PTBP3: variants seen among roughly 807,000 people sequenced by gnomAD.
PTBP3 encodes the protein polypyrimidine tract binding protein 3.
Under a neutral mutation model 58.7 loss-of-function variants are expected in PTBP3, and 20 were observed. The ratio of observed to expected loss-of-function variants is 0.34; its 90% CI spans 0.24 to 0.50. PTBP3 has a LOEUF of 0.50. PTBP3 is among the 20% of genes least tolerant of loss of function. The probability of loss-of-function intolerance (pLI) is 0.98; values close to 1 mark genes in which losing one functional copy is unlikely to be tolerated. For missense variants in PTBP3, 509 were observed against 637.2 expected (o/e 0.80, Z 2.17); for synonymous variants, 185 against 219.8 (o/e 0.84, Z 1.40).
At chr9:112,324,310 A>G (rs909193249) in intron 1 of PTBP3, among the ~76,000 whole-genome samples, 1 of 152,196 alleles carries the variant, frequency 6.6e-6, no homozygotes, top group Non-Finnish European at 1.5e-5. Context: ...TATATGCTAC[A>G]ATGTATACAG....
At position 112,227,631 on chromosome 9, in the gene PTBP3, G is replaced by A; in HGVS notation, c.1148-4C>T. ...TGACCACTTAGATGGTTCATTGCTA[G>A]TGCATGGGAAGAAAATTTTAAAGTT... On this transcript the variant is annotated splice_region_variant and splice_polypyrimidine_tract_variant and intron_variant, in intron 11 of 13. Coordinates refer to ENST00000374257, the MANE Select transcript of PTBP3 (RefSeq NM_001163788.4). The A allele has an allele frequency of 6.2e-7, 1 of 1,612,284 alleles. No homozygotes were observed. Among genetic ancestry groups the A allele is most frequent in the Non-Finnish European group, 8.5e-7 (1 of 1,178,472 alleles).
At chr9:112,297,992 GCTAATAATATTACTTCATCTTTGTAT>G in intron 1 of PTBP3, 76 bp from the exon 2 acceptor site, 6 of 1,183,366 alleles carry the variant, frequency 5.1e-6, no homozygotes, top group Non-Finnish European at 7.4e-6. Flanking sequence ...AGTATTAAAA[GCTAATAATATTACTTCATCTTTGTAT>G]GAAGACATTA....
At chr9:112,295,236 G>C (rs1435629210) in intron 2 of PTBP3, among the ~76,000 whole-genome samples, 2 of 137,996 alleles carry the variant, frequency 1.4e-5, no homozygotes, top group Admixed American at 7.6e-5. Context: ...GCAATACTCA[G>C]TCTCAAAAGA....
chr9:112,311,687 G>A (rs1329697614), intron 1 of PTBP3, among the ~76,000 whole-genome samples: 1 of 152,164 alleles, frequency 6.6e-6, no homozygotes, highest in Non-Finnish European at 1.5e-5. Context: ...AGTGTATCAG[G>A]CCTGTAATCC....
Position 112,297,824 on chromosome 9 carries a change from A to AC in PTBP3, c.34+7_34+8insG. On this transcript the variant is annotated splice_region_variant and intron_variant, in intron 2 of 13. Coordinates refer to ENST00000374257, the MANE Select transcript of PTBP3 (RefSeq NM_001163788.4). ...AAATCAAATATTAAAAAAAAAAAAAAAACTCACCATACACACCTGTAGAAG... is the reference window on the plus strand; with the variant it reads ...AAATCAAATATTAAAAAAAAAAAAAACAACTCACCATACACACCTGTAGAAG... The AC allele has an allele frequency of 1.3e-6, 2 of 1,551,524 alleles. No homozygotes were observed. The highest frequency in any genetic ancestry group is 1.7e-6 in the Non-Finnish European group (2 of 1,155,974).
chr9:112,274,075 T>C (rs1056599507), intron 3 of PTBP3, among the ~76,000 whole-genome samples: 2 of 152,322 alleles, frequency 1.3e-5, no homozygotes, highest in Non-Finnish European at 2.9e-5. Flanking sequence ...GTAGCAATTG[T>C]GTTAAAATAA....
Position 112,319,205 on chromosome 9 carries a change from A to T in PTBP3, c.-52+14265T>A, listed in dbSNP as rs1587885405. Among the ~76,000 whole-genome samples, 2 of 152,178 alleles carry T rather than the reference A, an allele frequency of 1.3e-5. 1 individual carries two copies. Among genetic ancestry groups the T allele is most frequent in the South Asian group, 4.1e-4 (2 of 4,822 alleles). ...AAATACTCAGAAATAAATTTAACCA[A>T]GAAGGGTACATCAAAAATTACAAAA... On this transcript the variant is annotated intron_variant, in intron 1 of 13. Coordinates refer to ENST00000374257, the MANE Select transcript of PTBP3 (RefSeq NM_001163788.4).
chr9:112,234,482 A>G (rs929099497), intron 8 of PTBP3, among the ~76,000 whole-genome samples: 3 of 152,236 alleles, frequency 2.0e-5, no homozygotes, highest in African/African-American at 7.2e-5. Flanking sequence ...TGATAAGTTT[A>G]TCAGTAAAGA....
At chr9:112,308,385 T>G (rs982278064) in intron 1 of PTBP3, among the ~76,000 whole-genome samples, 1 of 151,852 alleles carries the variant, frequency 6.6e-6, no homozygotes. Context: ...AAAAAAACTT[T>G]TCTTTCCTAG....
chr9:112,290,836 G>A (rs2132281506), intron 2 of PTBP3, among the ~76,000 whole-genome samples: 1 of 151,446 alleles, frequency 6.6e-6, no homozygotes, highest in East Asian at 1.9e-4. Flanking sequence ...CTAAAGATAA[G>A]CACCTGCATA....
At chr9:112,329,845 CTTT>C (rs10660630) in intron 1 of PTBP3, among the ~76,000 whole-genome samples, 2 of 131,970 alleles carry the variant, frequency 1.5e-5, no homozygotes, top group African/African-American at 5.7e-5. Context: ...CTAGGCTACA[CTTT>C]TTTTTTTTTT....
At chr9:112,284,350 C>T (rs992662467) in intron 2 of PTBP3, among the ~76,000 whole-genome samples, 17 of 152,234 alleles carry the variant, frequency 1.1e-4, no homozygotes, top group African/African-American at 3.9e-4. Context: ...TTTGCAAAAG[C>T]ATGCCCTAGA....
At chr9:112,366,885 AG>A in the PTBP3 span, among the ~76,000 whole-genome samples, 11 of 152,158 alleles carry the variant, frequency 7.2e-5, no homozygotes, top group African/African-American at 2.7e-4. Flanking sequence ...AGCAGCCAGG[AG>A]GGGGGCTATA....
intron 2 of PTBP3, among the ~76,000 whole-genome samples, chr9:112,289,394 T>G (rs988131484): frequency 6.6e-6 from 1 of 152,092 alleles, no homozygotes; most frequent in Non-Finnish European, 1.5e-5. Context: ...TAAGTTTTAT[T>G]TGATAAAAGG....
intron 1 of PTBP3, among the ~76,000 whole-genome samples, chr9:112,304,239 A>G (rs1381103491): frequency 6.6e-6 from 1 of 152,182 alleles, no homozygotes; most frequent in Non-Finnish European, 1.5e-5. Flanking sequence ...GACATTTATT[A>G]AAGTCTCATT....
intron 10 of PTBP3, 79 bp from the exon 11 acceptor site, chr9:112,228,551 A>T: frequency 1.2e-6 from 1 of 834,636 alleles, no homozygotes; most frequent in Admixed American, 3.3e-5. Context: ...ATACTTAAAG[A>T]AGGCATTTCT....
intron 7 of PTBP3, among the ~76,000 whole-genome samples, chr9:112,249,841 A>G (rs1037793569): frequency 6.6e-6 from 1 of 151,610 alleles, no homozygotes; most frequent in African/African-American, 2.4e-5. Flanking sequence ...TTTTGCACCA[A>G]ATATTTCTAT....
At chr9:112,375,930 C>CAAAATCCT in the PTBP3 span, among the ~76,000 whole-genome samples, 1 of 152,016 alleles carries the variant, frequency 6.6e-6, no homozygotes, top group African/African-American at 2.4e-5. Flanking sequence ...GGTCTTGCTC[C>CAAAATCCT]AAAATCCTAG....
chr9:112,355,667 C>A, the PTBP3 span, among the ~76,000 whole-genome samples: 1 of 136,486 alleles, frequency 7.3e-6, no homozygotes, highest in African/African-American at 2.8e-5. Context: ...TGGGGAGTTG[C>A]CCAAGCTGGA....
Sources: allele counts gnomAD v4.1 joint callset (sites outside exome capture counted in the v4.1 genomes callset), GRCh38; gene constraint gnomAD v4.1.1; transcripts MANE v1.5; gene names NCBI Gene and HGNC (gene_info 2026-07-23, HGNC 2026-07-21).